Variants in CCDC91 observed in about 807,000 individuals in gnomAD.
CCDC91 encodes the protein coiled-coil domain-containing protein 91.
In CCDC91, 48 loss-of-function variants were observed where a neutral mutation model predicts 63.2. The observed-to-expected ratio is 0.76, with a 90% CI of 0.60 to 0.97. The LOEUF (loss-of-function observed/expected upper bound fraction) is 0.97. Ranked by LOEUF, CCDC91 falls within the 50% of genes least tolerant of loss-of-function variation. The pLI, the probability that CCDC91 is intolerant of heterozygous loss-of-function variation, is 0.00. For synonymous variants in CCDC91, 167 were observed against 165.8 expected (o/e 1.01, Z -0.06); for missense variants, 500 against 494.6 (o/e 1.01, Z -0.10).
chr12:28,428,094 TTTA>T (rs571021988), intron 8 of CCDC91, among the ~76,000 whole-genome samples: 84 of 152,114 alleles, frequency 5.5e-4, no homozygotes, highest in Non-Finnish European at 9.4e-4. Flanking sequence ...CAATCTGTCT[TTTA>T]TTGATATAAG....
chr12:28,206,979 G>A (rs114977088), intron 1 of CCDC91, among the ~76,000 whole-genome samples: 2,811 of 152,260 alleles, frequency 0.018, 87 homozygotes, highest in African/African-American at 0.064. Flanking sequence ...GTTTCTGACT[G>A]ATTATGAGGC....
intron 12 of CCDC91, among the ~76,000 whole-genome samples, chr12:28,499,484 C>A (rs1408493293): frequency 6.6e-6 from 1 of 151,986 alleles, no homozygotes; most frequent in Middle Eastern, 3.4e-3. Context: ...TTAGGTATTT[C>A]TCCTAATGCT....
At chr12:28,497,806 ATGACAT>A (rs1428746903) in intron 12 of CCDC91, among the ~76,000 whole-genome samples, 1 of 151,636 alleles carries the variant, frequency 6.6e-6, no homozygotes, top group African/African-American at 2.4e-5. Context: ...GTGGGGATAT[ATGACAT>A]TTAAAATAAC....
intron 3 of CCDC91, among the ~76,000 whole-genome samples, chr12:28,265,913 C>G (rs999299314): frequency 2.6e-5 from 4 of 151,994 alleles, no homozygotes; most frequent in South Asian, 4.1e-4. Flanking sequence ...ACATTTTTGT[C>G]AGGACATAAA....
intron 3 of CCDC91, among the ~76,000 whole-genome samples, chr12:28,263,434 A>G (rs1946963695): frequency 1.3e-5 from 2 of 151,980 alleles, no homozygotes; most frequent in South Asian, 4.2e-4. Flanking sequence ...ATAAAGTAAA[A>G]TCATACAGTA....
At chr12:28,439,970 T>TAA (rs200613015) in intron 8 of CCDC91, among the ~76,000 whole-genome samples, 3 of 138,408 alleles carry the variant, frequency 2.2e-5, no homozygotes, top group African/African-American at 7.9e-5. Context: ...TTCAATTTGC[T>TAA]AAAAAAAAAA....
intron 11 of CCDC91, among the ~76,000 whole-genome samples, chr12:28,461,336 C>T (rs1231333134): frequency 7.2e-5 from 11 of 152,022 alleles, no homozygotes; most frequent in Non-Finnish European, 1.6e-4. Context: ...ATAATCTCTA[C>T]TGTCCTTTCT....
At chr12:28,234,806 G>A (rs1406667697) in intron 1 of CCDC91, among the ~76,000 whole-genome samples, 1 of 151,652 alleles carries the variant, frequency 6.6e-6, no homozygotes, top group African/African-American at 2.4e-5. Flanking sequence ...CCAATTGTCA[G>A]TCTTCTTTTC....
chr12:28,531,983 A>G (rs758030047), intron 12 of CCDC91, among the ~76,000 whole-genome samples: 1 of 152,112 alleles, frequency 6.6e-6, no homozygotes, highest in Non-Finnish European at 1.5e-5. Context: ...TCTTTTAGAT[A>G]AAGTGAGTGA....
chr12:28,540,247 A>G (rs552840206), intron 12 of CCDC91, among the ~76,000 whole-genome samples: 15 of 152,266 alleles, frequency 9.9e-5, no homozygotes, highest in African/African-American at 3.6e-4. Context: ...CTTTAAGGCA[A>G]GGATTTTTTA....
chr12:28,275,039 C>T (rs138625299), intron 3 of CCDC91, among the ~76,000 whole-genome samples: 8,814 of 152,000 alleles, frequency 0.058, 359 homozygotes, highest in East Asian at 0.15. Flanking sequence ...AATTGACACC[C>T]TAACATCACA....
At chr12:28,290,546 A>G (rs1338705809) in intron 3 of CCDC91, among the ~76,000 whole-genome samples, 2 of 152,178 alleles carry the variant, frequency 1.3e-5, no homozygotes, top group South Asian at 2.1e-4. Flanking sequence ...TTCTGTCATC[A>G]TGATGTTAGC....
chr12:28,367,354 A>T (rs1323620132), intron 7 of CCDC91, among the ~76,000 whole-genome samples: 1 of 152,226 alleles, frequency 6.6e-6, no homozygotes, highest in African/African-American at 2.4e-5. Context: ...AACCAAAATT[A>T]AAAACTCAGA....
chr12:28,480,345 C>G (rs1331718316), intron 11 of CCDC91, among the ~76,000 whole-genome samples: 1 of 151,916 alleles, frequency 6.6e-6, no homozygotes, highest in Non-Finnish European at 1.5e-5. Context: ...ACTAGTATTA[C>G]CACCACTCAT....
intron 12 of CCDC91, among the ~76,000 whole-genome samples, chr12:28,527,971 T>A (rs1429838161): frequency 6.6e-6 from 1 of 152,096 alleles, no homozygotes; most frequent in Non-Finnish European, 1.5e-5. Context: ...GAGCACCAAG[T>A]CTGTTTCCAG....
chr12:28,494,625 T>A (rs1311806013), intron 12 of CCDC91, among the ~76,000 whole-genome samples: 1 of 151,768 alleles, frequency 6.6e-6, no homozygotes, highest in African/African-American at 2.4e-5. Flanking sequence ...TCATACGTGA[T>A]GGTGAGACAC....
At chr12:28,364,623 G>A (rs1253373042) in intron 7 of CCDC91, among the ~76,000 whole-genome samples, 1 of 152,134 alleles carries the variant, frequency 6.6e-6, no homozygotes, top group African/African-American at 2.4e-5. Flanking sequence ...CCATAACCAT[G>A]GATGAGAAAT....
intron 1 of CCDC91, among the ~76,000 whole-genome samples, chr12:28,244,145 T>C (rs1405477689): frequency 1.3e-5 from 2 of 152,154 alleles, no homozygotes; most frequent in African/African-American, 4.8e-5. Context: ...AACATTTACA[T>C]TGATAGATTA....
At position 28,549,410 on chromosome 12, in the gene CCDC91, A is replaced by G. The variant is rs2141913737; in HGVS notation, c.*237A>G. On this transcript the variant is annotated 3_prime_UTR_variant, in exon 13 of 13. Transcript: ENST00000536442. ...TTATTAGTAGTAGCAGCAACAGAGT[A>G]TGATATGACCCAAAAGCCATTGTAA... 1 of 309,356 alleles carries G rather than the reference A, an allele frequency of 3.2e-6. No individual in the cohort carries two copies. The highest frequency in any genetic ancestry group is 6.1e-6 in the Non-Finnish European group (1 of 164,968). 19.2% of individuals were successfully genotyped at this position (309,356 alleles called of 1,614,324 possible).
Sources: gnomAD v4.1 joint callset for allele counts (sites outside exome capture counted in the v4.1 genomes callset) on GRCh38, gnomAD v4.1.1 for gene constraint, MANE v1.5 for transcripts, NCBI Gene and HGNC (gene_info 2026-07-23, HGNC 2026-07-21) for gene names.